Variants in ME3 observed in about 807,000 individuals in gnomAD.
ME3 encodes the protein malic enzyme 3, also known as NADP-dependent malic enzyme, mitochondrial.
A neutral mutation model predicts 68.9 loss-of-function variants in ME3; 48 were observed. The observed-to-expected ratio is 0.70, with a 90% CI of 0.55 to 0.89. ME3 has a LOEUF of 0.89. ME3 is among the 40% of genes least tolerant of loss of function. ME3 has a pLI of 0.00. For missense variants in ME3, 675 were observed against 797.4 expected (o/e 0.85, Z 1.85); for synonymous variants, 320 against 318.8 (o/e 1.00, Z -0.04).
intron 3 of ME3, among the ~76,000 whole-genome samples, chr11:86,557,624 G>C (rs1956998436): frequency 6.6e-6 from 1 of 152,128 alleles, no homozygotes; most frequent in Non-Finnish European, 1.5e-5. Flanking sequence ...TTGGGTCTCA[G>C]CCTCTTCCTC....
chr11:86,486,797 A>G (rs1250990998), intron 7 of ME3, among the ~76,000 whole-genome samples: 2 of 152,208 alleles, frequency 1.3e-5, no homozygotes, highest in Non-Finnish European at 2.9e-5. Flanking sequence ...GGGGCAGGCA[A>G]GTGGGGTGGA....
chr11:86,573,417 T>C (rs1229759292), intron 2 of ME3, among the ~76,000 whole-genome samples: 1 of 143,586 alleles, frequency 7.0e-6, no homozygotes, highest in Non-Finnish European at 1.5e-5. Flanking sequence ...TTTTGGGTTT[T>C]ACATTTTAGT....
intron 4 of ME3, among the ~76,000 whole-genome samples, chr11:86,517,198 C>G (rs1250321369): frequency 1.3e-5 from 2 of 152,122 alleles, no homozygotes; most frequent in Non-Finnish European, 2.9e-5. Context: ...AGCCCGGTGA[C>G]CTGCTTTGGC....
At chr11:86,499,278 A>G (rs1043635037) in intron 5 of ME3, among the ~76,000 whole-genome samples, 9 of 152,308 alleles carry the variant, frequency 5.9e-5, no homozygotes, top group Middle Eastern at 3.4e-3. Flanking sequence ...GGCAGGAGTC[A>G]GACTGTGAAA....
chr11:86,626,416 C>T (rs1391020973), intron 2 of ME3, among the ~76,000 whole-genome samples: 1 of 152,178 alleles, frequency 6.6e-6, no homozygotes, highest in Non-Finnish European at 1.5e-5. Context: ...AGTTTTTCTG[C>T]TATTTGTAAA....
chr11:86,449,188 C>T (rs1489586155), intron 10 of ME3, among the ~76,000 whole-genome samples: 2 of 152,238 alleles, frequency 1.3e-5, no homozygotes, highest in East Asian at 3.8e-4. Flanking sequence ...CTCTCACTGA[C>T]ATTCTATGTT....
At chr11:86,624,590 C>G (rs528739530) in intron 2 of ME3, among the ~76,000 whole-genome samples, 2 of 152,066 alleles carry the variant, frequency 1.3e-5, no homozygotes, top group Non-Finnish European at 2.9e-5. Flanking sequence ...CAGAAAATTG[C>G]GTAAGATTGA....
At chr11:86,662,207 G>C (rs1268912560) in intron 2 of ME3, among the ~76,000 whole-genome samples, 1 of 152,234 alleles carries the variant, frequency 6.6e-6, no homozygotes, top group African/African-American at 2.4e-5. Flanking sequence ...TGTTAGTACA[G>C]CGTAGGGGAT....
At chr11:86,519,670 G>C (rs192185514) in intron 4 of ME3, among the ~76,000 whole-genome samples, 1 of 152,228 alleles carries the variant, frequency 6.6e-6, no homozygotes, top group African/African-American at 2.4e-5. Context: ...GGCAGGAAGG[G>C]AACCTGTCCT....
At chr11:86,650,725 C>G (rs916815616) in intron 2 of ME3, among the ~76,000 whole-genome samples, 5 of 152,114 alleles carry the variant, frequency 3.3e-5, no homozygotes, top group African/African-American at 1.2e-4. Context: ...TTCATCTCAC[C>G]AGGGATTGTC....
chr11:86,538,558 T>C (rs1476885596), intron 4 of ME3, among the ~76,000 whole-genome samples: 2 of 152,078 alleles, frequency 1.3e-5, no homozygotes, highest in South Asian at 4.2e-4. Flanking sequence ...TCCTCTCACT[T>C]TTACCTTCAC....
intron 8 of ME3, among the ~76,000 whole-genome samples, chr11:86,456,000 C>A (rs1949898645): frequency 6.6e-6 from 1 of 152,232 alleles, no homozygotes; most frequent in Non-Finnish European, 1.5e-5. Context: ...ATGTGGCACT[C>A]CCTATTTTCT....
intron 2 of ME3, among the ~76,000 whole-genome samples, chr11:86,613,587 A>G (rs1248963039): frequency 6.6e-6 from 1 of 152,208 alleles, no homozygotes; most frequent in African/African-American, 2.4e-5. Context: ...CTCCGCCCCA[A>G]AACTCCTTAA....
At chr11:86,496,193 G>GTCAGTT (rs1390350013) in intron 6 of ME3, among the ~76,000 whole-genome samples, 7 of 152,272 alleles carry the variant, frequency 4.6e-5, no homozygotes, top group African/African-American at 1.7e-4. Flanking sequence ...ATCACTTGAG[G>GTCAGTT]TCAGGAGTTT....
At chr11:86,461,878 C>G (rs762716860) in intron 8 of ME3, among the ~76,000 whole-genome samples, 6 of 152,224 alleles carry the variant, frequency 3.9e-5, no homozygotes, top group Non-Finnish European at 7.3e-5. Context: ...CAGCTGTCCT[C>G]ATGAGTTCTA....
intron 2 of ME3, among the ~76,000 whole-genome samples, chr11:86,646,707 C>T (rs186252221): frequency 1.3e-5 from 2 of 152,180 alleles, no homozygotes; most frequent in East Asian, 3.9e-4. Context: ...GAGAACAAAA[C>T]TAAGATAATC....
intron 2 of ME3, among the ~76,000 whole-genome samples, chr11:86,627,351 G>A (rs1213878937): frequency 2.0e-5 from 3 of 152,062 alleles, no homozygotes; most frequent in African/African-American, 7.2e-5. Flanking sequence ...TCTCCTTTCT[G>A]TACCATGGGT....
At chr11:86,456,703 G>C (rs1367192244) in intron 8 of ME3, among the ~76,000 whole-genome samples, 1 of 152,138 alleles carries the variant, frequency 6.6e-6, no homozygotes, top group African/African-American at 2.4e-5. Flanking sequence ...TCAACATTCA[G>C]CTGTACCTCT....
intron 2 of ME3, among the ~76,000 whole-genome samples, chr11:86,649,752 A>T (rs1945275688): frequency 6.6e-6 from 1 of 152,192 alleles, no homozygotes; most frequent in Admixed American, 6.5e-5. Flanking sequence ...ACAACTTACA[A>T]GGATGTGAAG....
Sources: gnomAD v4.1 joint callset for allele counts (sites outside exome capture counted in the v4.1 genomes callset) on GRCh38, gnomAD v4.1.1 for gene constraint, MANE v1.5 for transcripts, NCBI Gene and HGNC (gene_info 2026-07-23, HGNC 2026-07-21) for gene names.